The following KRT20 variants were observed in gnomAD, a reference collection of about 807,000 sequenced individuals.
KRT20 encodes keratin 20, also known as keratin, type I cytoskeletal 20.
A neutral mutation model predicts 43.0 loss-of-function variants in KRT20; 41 were observed. That is an observed-to-expected ratio of 0.95 (90% CI 0.74 to 1.24). KRT20 has a LOEUF of 1.24. Ranked by LOEUF, KRT20 falls within the 50% of genes most tolerant of loss-of-function variation. The probability of loss-of-function intolerance (pLI) is 0.00; values close to 1 mark genes in which losing one functional copy is unlikely to be tolerated. For synonymous variants in KRT20, 207 were observed against 200.6 expected (o/e 1.03, Z -0.27); for missense variants, 533 against 521.2 (o/e 1.02, Z -0.22).
chr17:40,882,837 G>A (rs950625420), intron 1 of KRT20, among the ~76,000 whole-genome samples, 183 bp from the exon 2 acceptor site: 7 of 152,098 alleles, frequency 4.6e-5, no homozygotes, highest in African/African-American at 1.7e-4. Flanking sequence ...AGCCTCCCGA[G>A]TAGCTGGGGT....
chr17:40,876,943 C>G (rs1251154496), intron 7 of KRT20, among the ~76,000 whole-genome samples: 1 of 152,022 alleles, frequency 6.6e-6, no homozygotes, highest in Non-Finnish European at 1.5e-5. Flanking sequence ...AAACTTAATC[C>G]CCAATGTAAC....
rs759018475 is a variant in KRT20 at position 40,885,213 on chromosome 17, G to A, written c.-28C>T. Reference sequence around the variant, plus strand: ...GAGATTCCAGGAGGGAGCACCTGTAGCTTCAGGATGGTTGGGGCAGAGTGT... The same window carrying A: ...GAGATTCCAGGAGGGAGCACCTGTAACTTCAGGATGGTTGGGGCAGAGTGT... On this transcript the variant is annotated 5_prime_UTR_variant, in exon 1 of 8. Coordinates refer to ENST00000167588, the MANE Select transcript of KRT20 (RefSeq NM_019010.3). 3.8e-6 allele frequency: 6 copies of A among 1,560,762 alleles called. No individual in the cohort carries two copies. The highest frequency in any genetic ancestry group is 4.6e-4 in the Middle Eastern group (2 of 4,318).
In KRT20 at chr17:40,882,552, C is replaced by T. The variant is rs115683711; in HGVS notation, c.473+20G>A. On this transcript the variant is annotated intron_variant, in intron 2 of 7. Coordinates refer to ENST00000167588, the MANE Select transcript of KRT20 (RefSeq NM_019010.3). The stretch of plus-strand genomic sequence containing the variant: ...AGGAATTCTTTTTCAGAAACTTTTG[C>T]CACGTATTAGGGAACCTACTTCAGT... 1.6e-3 allele frequency: 2,257 copies of T among 1,444,478 alleles called. 40 individuals carry two copies. In the African/African-American group the frequency reaches 0.029, roughly 19 times the overall value. 89.5% of individuals were successfully genotyped at this position (1,444,478 alleles called of 1,614,324 possible).
chr17:40,884,270 T>C (rs1364732697), intron 1 of KRT20, among the ~76,000 whole-genome samples: 4 of 152,194 alleles, frequency 2.6e-5, no homozygotes, highest in African/African-American at 7.2e-5. Context: ...CACTTAAAAA[T>C]CCAGGCATCA....
intron 1 of KRT20, among the ~76,000 whole-genome samples, chr17:40,883,139 C>T (rs1907674445): frequency 6.6e-6 from 1 of 152,170 alleles, no homozygotes; most frequent in Non-Finnish European, 1.5e-5. Context: ...AAAATAATGA[C>T]ATAGTTATTT....
intron 1 of KRT20, 57 bp downstream of exon 1, chr17:40,884,739 C>G: frequency 6.5e-7 from 1 of 1,549,384 alleles, no homozygotes. Context: ...CATAGATAAC[C>G]TCTTGATTTA....
chr17:40,878,315 G>C lies in KRT20; in HGVS notation c.969C>G (p.Ser323Arg). ...TLEETKARYS[S>R]QLANLQSLLS... ...ACAGCGACTGGAGGTTGGCTAACTG[G>C]CTGCTGTAACGGGCCTTGGTCTCCT... is the stretch of plus-strand genomic sequence containing the variant. The change falls in exon 6 of 8, where the codon AGC becomes AGG. Residue 323 changes from serine to arginine, a missense_variant. By Grantham distance (110) the Ser-to-Arg change is moderately radical. Coordinates refer to ENST00000167588, the MANE Select transcript of KRT20 (RefSeq NM_019010.3). 1 of 1,614,070 alleles carries C rather than the reference G, an allele frequency of 6.2e-7. No homozygotes were observed. Among genetic ancestry groups the C allele is most frequent in the African/African-American group, 1.3e-5 (1 of 75,022 alleles).
In KRT20 at chr17:40,876,158, G is replaced by T. The variant is rs1907338265; in HGVS notation, c.*203C>A. ...CTAGTGCTCACTGGATTTCATTTTT[G>T]CAGGCAATTTGCAGCTCCTCTGAGT... On this transcript the variant is annotated 3_prime_UTR_variant, in exon 8 of 8. Coordinates refer to ENST00000167588, the MANE Select transcript of KRT20 (RefSeq NM_019010.3). The T allele has an allele frequency of 2.3e-6, 1 of 430,236 alleles. No individual in the cohort carries two copies. The highest frequency in any genetic ancestry group is 4.1e-6 in the Non-Finnish European group (1 of 241,244). The allele number at this position is 430,236 out of a possible 1,614,324, so 26.7% of individuals were successfully genotyped here. A position where few individuals can be genotyped will look rare whatever the true frequency, so the allele number is the denominator to read the frequency against.
At position 40,879,829 on chromosome 17, in the gene KRT20, TG is replaced by T. The variant is rs751065008; in HGVS notation, c.901del (p.Gln301SerfsTer6). 4.3e-6 allele frequency: 7 copies of T among 1,613,136 alleles called. No individual in the cohort carries two copies. The African/African-American group carries it at 9.4e-5, about 22-fold the overall frequency. Reference sequence around the variant, plus strand: ...ATGCTTTACCATGCTGAGATGGGACTGGAGTTCTATCTCAAGGCTCTGGGAG... The same window carrying T: ...ATGCTTTACCATGCTGAGATGGGACTGAGTTCTATCTCAAGGCTCTGGGAG... ...RTSQSLEIEL[Q>X]SHLSMKESLE... is the part of the protein sequence containing the mutation. On this transcript the variant is annotated frameshift_variant, in exon 5 of 8. Transcript: ENST00000167588. LOFTEE classifies it high-confidence loss of function.
Position 40,885,133 on chromosome 17 carries a change from G to A in KRT20, c.53C>T (p.Ala18Val), listed in dbSNP as rs376759278. The A allele has an allele frequency of 1.2e-6, 2 of 1,612,522 alleles. No homozygotes were observed. The highest frequency in any genetic ancestry group is 1.3e-5 in the African/African-American group (1 of 74,990). ...FHRSLSSSLQAPVVSTVGMQR... is the reference protein window; with the variant it reads ...FHRSLSSSLQVPVVSTVGMQR... ...CATGCCCACTGTACTGACTACAGGG[G>A]CCTGCAAGGAGGAGCTCAGGCTTCT... The change falls in exon 1 of 8, where the codon GCC (alanine) becomes GTC (valine). Residue 18 changes from alanine (A) to valine (V), a missense_variant. Physicochemically the swap from Ala to Val is moderately conservative, Grantham distance 64. Transcript: ENST00000167588.
intron 6 of KRT20, among the ~76,000 whole-genome samples, chr17:40,877,908 C>A (rs1907414321): frequency 6.6e-6 from 1 of 151,988 alleles, no homozygotes; most frequent in African/African-American, 2.4e-5. Context: ...GAATTATCTC[C>A]AAATGATCAT....
At position 40,880,622 on chromosome 17, in the gene KRT20, G is replaced by A. The variant is rs111500551; in HGVS notation, c.622C>T (p.His208Tyr). 3.7e-6 allele frequency: 6 copies of A among 1,612,582 alleles called. 1 individual carries two copies. In the African/African-American group the frequency reaches 5.3e-5, roughly 14 times the overall value. ...TCTGAATATTTTCTCACCTCCTGAT[G>A]CTCCTTTTTGAGGAGAGCTAGGTCT... ...NKDLALLKKE[H>Y]QEEVDGLHKH... The change falls in exon 3 of 8, where the codon CAT becomes TAT. Residue 208 changes from histidine to tyrosine, a missense_variant. His to Tyr is a moderately conservative substitution (Grantham distance 83). Coordinates refer to ENST00000167588, the MANE Select transcript of KRT20 (RefSeq NM_019010.3).
intron 3 of KRT20, 21 bp from the exon 4 acceptor site, chr17:40,880,282 A>T (rs1907539079): frequency 1.3e-6 from 2 of 1,583,338 alleles, no homozygotes; most frequent in Non-Finnish European, 1.7e-6. Flanking sequence ...GAAATTTCTG[A>T]TTGATTTTAG....
intron 5 of KRT20, among the ~76,000 whole-genome samples, chr17:40,878,742 G>A (rs987101127): frequency 1.3e-5 from 2 of 152,064 alleles, no homozygotes; most frequent in African/African-American, 4.8e-5. Flanking sequence ...TTGACACCTG[G>A]CTGGGTCATG....
chr17:40,877,974 G>A (rs372078382), intron 6 of KRT20, among the ~76,000 whole-genome samples, 171 bp downstream of exon 6: 37 of 152,178 alleles, frequency 2.4e-4, no homozygotes, highest in Admixed American at 5.9e-4. Flanking sequence ...TATTTTGGGC[G>A]TGTGTGTATT....
intron 6 of KRT20, 26 bp from the exon 7 acceptor site, chr17:40,877,443 G>GA: frequency 7.1e-7 from 1 of 1,399,946 alleles, no homozygotes; most frequent in Non-Finnish European, 9.6e-7. Flanking sequence ...ATGAAAAGAA[G>GA]AAAAAAGAAA....
intron 5 of KRT20, among the ~76,000 whole-genome samples, chr17:40,878,661 C>T (rs1003034104): frequency 2.0e-5 from 3 of 152,180 alleles, no homozygotes; most frequent in Non-Finnish European, 4.4e-5. Flanking sequence ...TTATACCTCT[C>T]ACTCCTTCAT....
Position 40,878,599 on chromosome 17 carries a change from C to T in KRT20, c.919-234G>A, listed in dbSNP as rs562303522. ...CTTTGCACCTACTGTTCTTTCAGTG[C>T]GGCGCATTGTAGCATTGTTCTCAGT... On this transcript the variant is annotated intron_variant, in intron 5 of 7. Transcript: ENST00000167588. Among the ~76,000 whole-genome samples the T allele has an allele frequency of 5.9e-5, 9 of 152,146 alleles. No homozygotes were observed. In the East Asian group the frequency reaches 7.7e-4, roughly 13 times the overall value.
rs1197195272 is a variant in KRT20 at position 40,885,161 on chromosome 17, G to A, written c.25C>T (p.His9Tyr). Residue 9 changes from histidine (H) to tyrosine (Y), a missense_variant, in exon 1 of 8, where the codon CAC (histidine) becomes TAC (tyrosine). By Grantham distance (83) the His-to-Tyr change is moderately conservative. Transcript: ENST00000167588. The stretch of plus-strand genomic sequence containing the variant: ...TGCAAGGAGGAGCTCAGGCTTCTGT[G>A]GAAGCTTCTGCGACTGAAATCCATT... MDFSRRSF[H>Y]RSLSSSLQAP... 1 of 1,604,634 alleles carries A rather than the reference G, an allele frequency of 6.2e-7. No individual in the cohort carries two copies. Among genetic ancestry groups the A allele is most frequent in the Non-Finnish European group, 8.5e-7 (1 of 1,175,750 alleles).
Sources: gnomAD v4.1 joint callset for allele counts (sites outside exome capture counted in the v4.1 genomes callset) on GRCh38, gnomAD v4.1.1 for gene constraint, MANE v1.5 for transcripts, NCBI Gene and HGNC (gene_info 2026-07-23, HGNC 2026-07-21) for gene names.